Variants in ASAP2 observed in about 807,000 individuals in gnomAD.
ASAP2 encodes the protein arf-GAP with SH3 domain, ANK repeat and PH domain-containing protein 2.
A neutral mutation model predicts 131.4 loss-of-function variants in ASAP2; 45 were observed. The ratio of observed to expected loss-of-function variants is 0.34; its 90% CI spans 0.27 to 0.44. The LOEUF (loss-of-function observed/expected upper bound fraction) is 0.44. Ranked by LOEUF, ASAP2 falls within the 20% of genes least tolerant of loss-of-function variation. The probability of loss-of-function intolerance (pLI) is 1.00; values close to 1 mark genes in which losing one functional copy is unlikely to be tolerated. For missense variants in ASAP2, 1,011 were observed against 1,297.0 expected (o/e 0.78, Z 3.39); for synonymous variants, 510 against 503.0 (o/e 1.01, Z -0.19).
chr2:9,257,517 GGTT>G (rs1665247523), intron 1 of ASAP2, among the ~76,000 whole-genome samples: 2 of 152,142 alleles, frequency 1.3e-5, no homozygotes, highest in African/African-American at 2.4e-5. Flanking sequence ...GTGAAAGTGT[GGTT>G]GTTTTGTTTT....
rs200485589 is a variant in ASAP2 at position 9,358,752 on chromosome 2, G to A, written c.1328-4G>A. On this transcript the variant is annotated splice_polypyrimidine_tract_variant and splice_region_variant and intron_variant, in intron 14 of 27. Transcript: ENST00000281419. ...GCTCAAATCTGCCCTGTTCTCTTTG[G>A]CAGATCCTACATGGCTTTCCACCAA... The A allele has an allele frequency of 1.5e-5, 24 of 1,610,220 alleles. No individual in the cohort carries two copies. Among genetic ancestry groups the A allele is most frequent in the Non-Finnish European group, 1.9e-5 (22 of 1,178,830 alleles).
intron 1 of ASAP2, among the ~76,000 whole-genome samples, chr2:9,213,672 A>G (rs1372999887): frequency 6.6e-6 from 1 of 152,114 alleles, no homozygotes; most frequent in Non-Finnish European, 1.5e-5. Context: ...GAGGGGTCCA[A>G]ACCTACTGAT....
chr2:9,373,423 T>TCTG (rs1674140595), intron 16 of ASAP2, among the ~76,000 whole-genome samples: 1 of 152,220 alleles, frequency 6.6e-6, no homozygotes, highest in Non-Finnish European at 1.5e-5. Context: ...GCAAGAGACC[T>TCTG]CTGCCCACTC....
At position 9,393,569 on chromosome 2, in the gene ASAP2, C is replaced by A; in HGVS notation, c.2606C>A (p.Pro869His). 1 of 1,600,534 alleles carries A rather than the reference C, an allele frequency of 6.2e-7. No individual in the cohort carries two copies. ...AGCCAGCCGAGCAAGCCTGCCCCGC[C>A]TGGGATCTCACAGATCAGGCCCCCA... ...ALSQPSKPAP[P>H]GISQIRPPPL... The change falls in exon 24 of 28, where the codon CCT (proline) becomes CAT (histidine). Residue 869 changes from proline to histidine, a missense_variant. Coordinates refer to ENST00000281419, the MANE Select transcript of ASAP2 (RefSeq NM_003887.3).
intron 1 of ASAP2, among the ~76,000 whole-genome samples, chr2:9,214,104 CCT>C (rs1676974087): frequency 6.6e-6 from 1 of 152,214 alleles, no homozygotes; most frequent in Admixed American, 6.5e-5. Flanking sequence ...CCCAAACACT[CCT>C]CTTTCTTTCC....
intron 3 of ASAP2, among the ~76,000 whole-genome samples, chr2:9,317,806 ACT>A (rs1163021930): frequency 8.4e-4 from 115 of 137,094 alleles, no homozygotes; most frequent in Admixed American, 2.3e-3. Context: ...GCATTCACAC[ACT>A]CACACAATCA....
At chr2:9,344,900 G>A in intron 11 of ASAP2, 100 bp downstream of exon 11, 1 of 1,033,118 alleles carries the variant, frequency 9.7e-7, no homozygotes, top group Non-Finnish European at 1.5e-6. Flanking sequence ...CTCCGTGTGT[G>A]ATGGTATTAA....
intron 1 of ASAP2, among the ~76,000 whole-genome samples, chr2:9,262,050 C>T (rs1012509544): frequency 1.3e-5 from 2 of 152,108 alleles, no homozygotes; most frequent in Non-Finnish European, 1.5e-5. Flanking sequence ...GGTGTTGCTA[C>T]GTTGCCCAGG....
chr2:9,259,250 G>A (rs528754526), intron 1 of ASAP2, among the ~76,000 whole-genome samples: 1 of 152,374 alleles, frequency 6.6e-6, no homozygotes, highest in African/African-American at 2.4e-5. Flanking sequence ...TCCTTGGGGA[G>A]AAACATTCAT....
chr2:9,278,220 G>T (rs1666879657), intron 1 of ASAP2, among the ~76,000 whole-genome samples: 1 of 152,132 alleles, frequency 6.6e-6, no homozygotes, highest in African/African-American at 2.4e-5. Flanking sequence ...GTCACCCTTT[G>T]CTTTTCTATG....
chr2:9,233,714 C>T (rs1663332356), intron 1 of ASAP2, among the ~76,000 whole-genome samples: 1 of 152,210 alleles, frequency 6.6e-6, no homozygotes, highest in African/African-American at 2.4e-5. Context: ...ACTTATATTG[C>T]ACTTACTGTG....
At chr2:9,400,167 G>T in intron 25 of ASAP2, 95 bp downstream of exon 25, 1 of 1,221,086 alleles carries the variant, frequency 8.2e-7, no homozygotes, top group Non-Finnish European at 1.1e-6. Flanking sequence ...CTGAGGGAGG[G>T]CCCAGCTGTC....
At chr2:9,304,005 A>C (rs1179931656) in intron 3 of ASAP2, among the ~76,000 whole-genome samples, 1 of 152,194 alleles carries the variant, frequency 6.6e-6, no homozygotes, top group African/African-American at 2.4e-5. Flanking sequence ...CTGCCTGGGC[A>C]GGGGACACAG....
chr2:9,233,051 C>T (rs1462841408), intron 1 of ASAP2, among the ~76,000 whole-genome samples: 1 of 151,976 alleles, frequency 6.6e-6, no homozygotes, highest in Non-Finnish European at 1.5e-5. Context: ...CCAGTCTGTG[C>T]TCTGTGTTTT....
chr2:9,282,658 G>A (rs1667200920), intron 2 of ASAP2, among the ~76,000 whole-genome samples: 1 of 152,200 alleles, frequency 6.6e-6, no homozygotes, highest in South Asian at 2.1e-4. Context: ...CGAGAATAAA[G>A]ACCAAAGGCA....
chr2:9,348,361 G>C (rs1346591213), intron 11 of ASAP2, among the ~76,000 whole-genome samples: 1 of 152,116 alleles, frequency 6.6e-6, no homozygotes, highest in Non-Finnish European at 1.5e-5. Flanking sequence ...CTGATCTCAG[G>C]TGATCTACCT....
intron 7 of ASAP2, among the ~76,000 whole-genome samples, chr2:9,331,283 C>T (rs1275740258): frequency 6.6e-6 from 1 of 152,224 alleles, no homozygotes; most frequent in Non-Finnish European, 1.5e-5. Context: ...TTTTTCTTCT[C>T]GCTTTAAGTG....
chr2:9,391,141 G>A lies in ASAP2; in HGVS notation c.2463G>A (p.Ser821=), dbSNP rs146275239. 4.6e-5 allele frequency: 74 copies of A among 1,613,850 alleles called. No individual in the cohort carries two copies. Among genetic ancestry groups the A allele is most frequent in the Non-Finnish European group, 4.8e-5 (57 of 1,179,986 alleles). ...SVDGGSRQRS[S]SDPPAVHPPL... is the part of the protein sequence containing the mutation. ...ACGGTGGAAGCCGGCAGCGATCTTCGTCAGATCCGCCAGCTGTCCATCCAC... is the reference window on the plus strand; with the variant it reads ...ACGGTGGAAGCCGGCAGCGATCTTCATCAGATCCGCCAGCTGTCCATCCAC... Residue 821 remains serine (S), a synonymous_variant, in exon 23 of 28, where the codon TCG becomes TCA. Transcript: ENST00000281419.
chr2:9,339,315 T>C (rs1671427158), intron 9 of ASAP2, among the ~76,000 whole-genome samples: 1 of 151,986 alleles, frequency 6.6e-6, no homozygotes. Flanking sequence ...GCATGGATCT[T>C]GGCATTTGAA....
Sources: allele counts gnomAD v4.1 joint callset (sites outside exome capture counted in the v4.1 genomes callset), GRCh38; gene constraint gnomAD v4.1.1; transcripts MANE v1.5; gene names NCBI Gene and HGNC (gene_info 2026-07-23, HGNC 2026-07-21).